The following FGF13 variants were observed in gnomAD, a reference collection of about 807,000 sequenced individuals.
The protein encoded by FGF13 is fibroblast growth factor 13, also known as fibroblast growth factor homologous factor 2.
Under a neutral mutation model 19.5 loss-of-function variants are expected in FGF13, and 2 were observed. That is an observed-to-expected ratio of 0.10 (90% CI 0.04 to 0.32). The LOEUF is 0.32. Among genes scored for constraint, FGF13 ranks in the 10% least tolerant of loss-of-function variants. The probability of loss-of-function intolerance (pLI) is 1.00; values close to 1 mark genes in which losing one functional copy is unlikely to be tolerated. For missense variants in FGF13, 113 were observed against 192.7 expected (o/e 0.59, Z 2.45); for synonymous variants, 72 against 76.9 (o/e 0.94, Z 0.33).
chrX:138,966,168 G>C (rs746792711), intron 1 of FGF13, among the ~76,000 whole-genome samples: 17 of 111,677 alleles, frequency 1.5e-4, no homozygotes, highest in Non-Finnish European at 2.6e-4. Flanking sequence ...TGGGGTCGGA[G>C]CCTCCCCCCA....
At chrX:138,931,410 G>A (rs771117410) in intron 1 of FGF13, among the ~76,000 whole-genome samples, 10 of 112,071 alleles carry the variant, frequency 8.9e-5, no homozygotes, top group Admixed American at 4.7e-4. Flanking sequence ...AATCCCCTTT[G>A]CTTTAGCGCA....
chrX:139,192,700 C>T (rs2084341331), intron 1 of FGF13, among the ~76,000 whole-genome samples: 1 of 111,234 alleles, frequency 9.0e-6, no homozygotes, highest in African/African-American at 3.3e-5. Context: ...GATGCTGATG[C>T]CCAAGCTGGT....
At chrX:138,888,858 C>T (rs1422533359) in intron 1 of FGF13, among the ~76,000 whole-genome samples, 2 of 111,866 alleles carry the variant, frequency 1.8e-5, no homozygotes, top group Non-Finnish European at 3.8e-5. Flanking sequence ...CTGTTAGCAG[C>T]AATCTCATGA....
At chrX:138,911,459 C>T (rs2124226099) in intron 1 of FGF13, among the ~76,000 whole-genome samples, 1 of 107,967 alleles carries the variant, frequency 9.3e-6, no homozygotes, top group African/African-American at 3.4e-5. Flanking sequence ...CTGGGGCCTA[C>T]CAGAGAGTGG....
At chrX:138,753,541 T>C (rs760494658) in intron 3 of FGF13, among the ~76,000 whole-genome samples, 1 of 112,065 alleles carries the variant, frequency 8.9e-6, no homozygotes, top group East Asian at 2.8e-4. Context: ...ATAAACAATG[T>C]CAATCTATAA....
At chrX:138,944,675 C>T (rs1022824661) in intron 1 of FGF13, among the ~76,000 whole-genome samples, 2 of 110,756 alleles carry the variant, frequency 1.8e-5, no homozygotes, top group African/African-American at 3.3e-5. Flanking sequence ...CCCTCAAGTT[C>T]GAAAATCCTC....
At chrX:139,162,758 A>G (rs1171189127) in intron 1 of FGF13, among the ~76,000 whole-genome samples, 2 of 112,599 alleles carry the variant, frequency 1.8e-5, no homozygotes, top group Non-Finnish European at 3.8e-5. Flanking sequence ...TCTCAAAAGA[A>G]GACATTTATG....
chrX:138,941,415 C>T (rs778440518), intron 1 of FGF13, among the ~76,000 whole-genome samples: 1 of 111,633 alleles, frequency 9.0e-6, no homozygotes, highest in Non-Finnish European at 1.9e-5. Context: ...TATACACCAA[C>T]GATGTCCAAG....
intron 1 of FGF13, among the ~76,000 whole-genome samples, chrX:139,142,264 G>C (rs1331661907): frequency 8.9e-6 from 1 of 111,745 alleles, no homozygotes; most frequent in Non-Finnish European, 1.9e-5. Flanking sequence ...TATTTTAGTT[G>C]TCAAGTGAGA....
At chrX:138,656,794 G>A (rs1265604335) in intron 3 of FGF13, among the ~76,000 whole-genome samples, 1 of 111,684 alleles carries the variant, frequency 9.0e-6, no homozygotes, top group Non-Finnish European at 1.9e-5. Flanking sequence ...ACTAAAGTGT[G>A]AAACAAATGG....
intron 3 of FGF13, among the ~76,000 whole-genome samples, chrX:138,655,226 T>C (rs890064753): frequency 7.2e-5 from 8 of 111,854 alleles, no homozygotes; most frequent in African/African-American, 2.6e-4. Context: ...GGCCGTATCA[T>C]AGAAAGAAGG....
chrX:139,078,330 C>T (rs1569450796), intron 1 of FGF13, among the ~76,000 whole-genome samples: 2 of 110,617 alleles, frequency 1.8e-5, no homozygotes, highest in Non-Finnish European at 3.8e-5. Context: ...AACAATCTGT[C>T]ACCTCATAGC....
chrX:138,746,676 T>C (rs2090359120), intron 3 of FGF13, among the ~76,000 whole-genome samples: 2 of 112,175 alleles, frequency 1.8e-5, no homozygotes, highest in Non-Finnish European at 3.8e-5. Flanking sequence ...CTATGCTTCA[T>C]TGGGCTTGTC....
At chrX:138,979,707 C>A (rs1046539166) in intron 1 of FGF13, among the ~76,000 whole-genome samples, 1 of 110,932 alleles carries the variant, frequency 9.0e-6, no homozygotes, top group Non-Finnish European at 1.9e-5. Context: ...GAAAAAGAGT[C>A]CCTGGAGAGC....
At chrX:138,845,870 C>T (rs891179828) in intron 3 of FGF13, among the ~76,000 whole-genome samples, 1 of 111,763 alleles carries the variant, frequency 8.9e-6, no homozygotes, top group African/African-American at 3.2e-5. Flanking sequence ...GAAGAAGGAA[C>T]ATAAGAGAAA....
At chrX:139,046,761 C>G (rs980161220) in intron 1 of FGF13, among the ~76,000 whole-genome samples, 1 of 111,463 alleles carries the variant, frequency 9.0e-6, no homozygotes, top group African/African-American at 3.3e-5. Flanking sequence ...TATTTATTGG[C>G]ATACACCCTC....
At chrX:138,879,447 AAG>A (rs2091410297) in intron 1 of FGF13, among the ~76,000 whole-genome samples, 2 of 111,987 alleles carry the variant, frequency 1.8e-5, no homozygotes, top group African/African-American at 6.5e-5. Flanking sequence ...CAAATTCATG[AAG>A]AGTTACCCTT....
At chrX:139,145,847 G>A (rs191840683) in intron 1 of FGF13, among the ~76,000 whole-genome samples, 6 of 111,793 alleles carry the variant, frequency 5.4e-5, no homozygotes, top group African/African-American at 1.6e-4. Flanking sequence ...TGAGAGCAGC[G>A]GGGGCACATT....
intron 1 of FGF13, among the ~76,000 whole-genome samples, chrX:139,041,368 C>A (rs1160492682): frequency 9.1e-6 from 1 of 110,427 alleles, no homozygotes; most frequent in Non-Finnish European, 1.9e-5. Context: ...TCTATTATAA[C>A]CCATTTAAAT....
Sources: allele counts gnomAD v4.1 joint callset (sites outside exome capture counted in the v4.1 genomes callset), GRCh38; gene constraint gnomAD v4.1.1; transcripts MANE v1.5; gene names NCBI Gene and HGNC (gene_info 2026-07-23, HGNC 2026-07-21).